Variants in TRIM52 observed in about 807,000 individuals in gnomAD.
TRIM52 encodes the protein tripartite motif containing 52.
In TRIM52, 24 loss-of-function variants were observed where a neutral mutation model predicts 27.0. The observed-to-expected ratio is 0.89, with a 90% CI of 0.64 to 1.25. TRIM52 has a LOEUF of 1.25. TRIM52 is among the 50% of genes most tolerant of loss of function. The pLI, the probability that TRIM52 is intolerant of heterozygous loss-of-function variation, is 0.00. For synonymous variants in TRIM52, 125 were observed against 126.5 expected, an observed-to-expected ratio of 0.99 and a Z score of 0.08; for missense variants, 351 against 354.7, an observed-to-expected ratio of 0.99 and a Z score of 0.08.
At position 181,258,790 on chromosome 5, in the gene TRIM52, A is replaced by G. The variant is rs189384290; in HGVS notation, c.813+1211T>C. 5.3e-5 allele frequency: 8 copies of G among 151,672 alleles called. No homozygotes were observed. In the East Asian group the frequency reaches 1.4e-3, roughly 26 times the overall value. 9.4% of individuals were successfully genotyped at this position (151,672 alleles called of 1,614,324 possible). ...TCATAAAGCAGTACTTACCCTTACTATGTTCCATGTGTTCTAATATTTTCT... is the reference window on the plus strand; with the variant it reads ...TCATAAAGCAGTACTTACCCTTACTGTGTTCCATGTGTTCTAATATTTTCT... On this transcript the variant is annotated intron_variant, in intron 1 of 1. Transcript: ENST00000688015.
chr5:181,254,280 ACT>A (rs1582309619), downstream of TRIM52: 1 of 136,682 alleles, frequency 7.3e-6, no homozygotes, highest in African/African-American at 3.3e-5. Flanking sequence ...ACAGAGCGAG[ACT>A]CTGTCAAACA....
chr5:181,250,068 A>G (rs952514147), downstream of TRIM52, among the ~76,000 whole-genome samples: 1 of 152,030 alleles, frequency 6.6e-6, no homozygotes, highest in Non-Finnish European at 1.5e-5. Context: ...TATTTTCCTG[A>G]TAAAGATTCA....
rs1759780148 is a variant in TRIM52 at position 181,256,413 on chromosome 5, G to A, written c.*396C>T. On this transcript the variant is annotated 3_prime_UTR_variant, in exon 2 of 2. Transcript: ENST00000688015. ...AGATGGAGTCTTGCTCTATTGCCCA[G>A]GCTGGAGTGCAGTGGCTCAGTCTCG... The A allele has an allele frequency of 6.6e-6, 1 of 151,052 alleles. No homozygotes were observed. The highest frequency in any genetic ancestry group is 6.6e-5 in the Admixed American group (1 of 15,138). 9.4% of individuals were successfully genotyped at this position (151,052 alleles called of 1,614,324 possible).
downstream of TRIM52, among the ~76,000 whole-genome samples, chr5:181,249,768 C>A (rs1444351134): frequency 1.3e-5 from 2 of 150,820 alleles, no homozygotes; most frequent in Non-Finnish European, 2.9e-5. Context: ...GTGAGGTCGG[C>A]TGTGAAATTA....
chr5:181,254,871 G>A (rs1759717610), downstream of TRIM52: 1 of 152,348 alleles, frequency 6.6e-6, no homozygotes, highest in South Asian at 2.1e-4. Flanking sequence ...ATAGTGCAAT[G>A]GGAGTTGATT....
chr5:181,259,392 T>C (rs1194258193), intron 1 of TRIM52: 2 of 160,222 alleles, frequency 1.2e-5, no homozygotes, highest in African/African-American at 4.8e-5. Flanking sequence ...GATCAGGATA[T>C]GAGGCACATT....
chr5:181,249,803 C>A (rs1286572785), downstream of TRIM52, among the ~76,000 whole-genome samples: 1 of 148,094 alleles, frequency 6.8e-6, no homozygotes, highest in Non-Finnish European at 1.5e-5. Flanking sequence ...ACAAATCTTA[C>A]AAAGAGATCA....
At chr5:181,253,428 G>A (rs980920305), downstream of TRIM52, among the ~76,000 whole-genome samples, 1 of 142,658 alleles carries the variant, frequency 7.0e-6, no homozygotes, top group East Asian at 2.2e-4. Flanking sequence ...CCAGGCACCG[G>A]CTATAGTGCC....
chr5:181,260,848 T>G lies in TRIM52; in HGVS notation c.-35A>C. ...CGCCGGCAGGTGTAGATACGTCAGC[T>G]TGGAGCTGAGGAGCGGGGACGCGCC... On this transcript the variant is annotated 5_prime_UTR_variant, in exon 1 of 2. Transcript: ENST00000688015. The surrounding 1 kb of genome is among the most constrained non-coding windows in gnomAD (Gnocchi z 4.4). The G allele has an allele frequency of 6.5e-7, 1 of 1,549,556 alleles. No individual in the cohort carries two copies. Among genetic ancestry groups the G allele is most frequent in the Non-Finnish European group, 8.7e-7 (1 of 1,145,616 alleles).
chr5:181,252,446 G>A (rs79142939), downstream of TRIM52, among the ~76,000 whole-genome samples: 116 of 152,380 alleles, frequency 7.6e-4, no homozygotes, highest in African/African-American at 2.7e-3. Context: ...AGTATCTACT[G>A]TATTAGACAG....
At chr5:181,257,371 C>A in intron 1 of TRIM52, 1 of 1,559,394 alleles carries the variant, frequency 6.4e-7, no homozygotes, top group Non-Finnish European at 8.7e-7. Flanking sequence ...GGAATCATAT[C>A]CTTAATGAAC....
chr5:181,257,371 C>T (rs770279374), intron 1 of TRIM52: 6 of 1,559,276 alleles, frequency 3.8e-6, no homozygotes, highest in East Asian at 4.6e-5. Flanking sequence ...GGAATCATAT[C>T]CTTAATGAAC....
At chr5:181,257,655 A>G (rs1057417168) in intron 1 of TRIM52, 14 of 496,116 alleles carry the variant, frequency 2.8e-5, no homozygotes, top group African/African-American at 2.8e-4. Flanking sequence ...ACTATAATTT[A>G]CATGTTTACC....
chr5:181,260,837 G>T lies in TRIM52; in HGVS notation c.-24C>A, dbSNP rs1561692358. 3.0e-5 allele frequency: 47 copies of T among 1,562,280 alleles called. No individual in the cohort carries two copies. The highest frequency in any genetic ancestry group is 4.0e-5 in the Non-Finnish European group (46 of 1,151,340). On this transcript the variant is annotated 5_prime_UTR_variant, in exon 1 of 2. Coordinates refer to ENST00000688015, the MANE Select transcript of TRIM52 (RefSeq NM_001346048.2). The surrounding 1 kb of genome is among the most constrained non-coding windows in gnomAD (Gnocchi z 4.4). ...ATCTTAATGCCCGCCGGCAGGTGTAGATACGTCAGCTTGGAGCTGAGGAGC... is the reference window on the plus strand; with the variant it reads ...ATCTTAATGCCCGCCGGCAGGTGTATATACGTCAGCTTGGAGCTGAGGAGC...
At chr5:181,253,399 C>T (rs1725878228), downstream of TRIM52, among the ~76,000 whole-genome samples, 1 of 142,578 alleles carries the variant, frequency 7.0e-6, no homozygotes, top group South Asian at 2.2e-4. Context: ...AGTAGGTGTT[C>T]CACTTTTGAA....
chr5:181,258,324 A>T (rs1233815174), intron 1 of TRIM52: 1 of 152,274 alleles, frequency 6.6e-6, no homozygotes, highest in Non-Finnish European at 1.5e-5. Flanking sequence ...CGGGAAACGG[A>T]GGTTGCAGTG....
At chr5:181,253,035 C>CT (rs537636866), downstream of TRIM52, among the ~76,000 whole-genome samples, 816 of 134,648 alleles carry the variant, frequency 6.1e-3, 11 homozygotes, top group African/African-American at 0.018. Flanking sequence ...ACTCAGGGTA[C>CT]TTTTTTTTTT....
chr5:181,258,643 TA>T (rs1247023693), intron 1 of TRIM52: 2 of 152,196 alleles, frequency 1.3e-5, no homozygotes, highest in African/African-American at 4.8e-5. Flanking sequence ...GGGGTGATAA[TA>T]ATATCTAATA....
At chr5:181,252,140 TTAAAAA>T (rs1434757075), downstream of TRIM52, among the ~76,000 whole-genome samples, 25 of 152,188 alleles carry the variant, frequency 1.6e-4, no homozygotes, top group Non-Finnish European at 4.4e-5. Flanking sequence ...TGGTCAGATT[TTAAAAA>T]TAAAATATTT....
Sources: gnomAD v4.1 joint callset for allele counts (sites outside exome capture counted in the v4.1 genomes callset) on GRCh38, gnomAD v4.1.1 for gene constraint, Gnocchi (gnomAD v3.1) non-coding constraint, MANE v1.5 for transcripts, NCBI Gene and HGNC (gene_info 2026-07-23, HGNC 2026-07-21) for gene names.